SUCO: variants seen among roughly 807,000 people sequenced by gnomAD.
SUCO encodes the protein SUN domain containing ossification factor.
SUCO carries 57 observed loss-of-function variants against 148.1 expected under a neutral mutation model. That is an observed-to-expected ratio of 0.38 (90% CI 0.31 to 0.48). The LOEUF is 0.48. Among genes scored for constraint, SUCO ranks in the 20% least tolerant of loss-of-function variants. The pLI, the probability that SUCO is intolerant of heterozygous loss-of-function variation, is 0.96. For missense variants in SUCO, 1,331 were observed against 1,468.2 expected (o/e 0.91, Z 1.53); for synonymous variants, 470 against 502.7 (o/e 0.93, Z 0.87).
chr1:172,564,215 C>T (rs1015572372), intron 6 of SUCO, among the ~76,000 whole-genome samples: 9 of 152,214 alleles, frequency 5.9e-5, no homozygotes, highest in African/African-American at 1.9e-4. Flanking sequence ...ACCCCCAATC[C>T]CCAGCATCCC....
intron 1 of SUCO, among the ~76,000 whole-genome samples, chr1:172,550,410 A>G (rs759332602): frequency 2.3e-4 from 35 of 151,908 alleles, no homozygotes; most frequent in Non-Finnish European, 4.1e-4. Flanking sequence ...AGTCCTTGTT[A>G]TGGTTTGAGA....
At chr1:172,578,992 TAC>T (rs1268373373) in intron 14 of SUCO, among the ~76,000 whole-genome samples, 1 of 152,062 alleles carries the variant, frequency 6.6e-6, no homozygotes, top group African/African-American at 2.4e-5. Context: ...TGGTAAGCAT[TAC>T]AGTTATTTTC....
intron 4 of SUCO, 81 bp downstream of exon 4, chr1:172,556,104 T>C (rs894862338): frequency 2.3e-5 from 26 of 1,144,292 alleles, no homozygotes; most frequent in Non-Finnish European, 3.1e-5. Context: ...ATAAAGCAGC[T>C]TGATACTCAA....
Position 172,533,188 on chromosome 1 carries a change from C to A in SUCO, c.-248C>A. On this transcript the variant is annotated 5_prime_UTR_variant, in exon 1 of 24. Coordinates refer to ENST00000263688, the MANE Select transcript of SUCO (RefSeq NM_014283.5). ...GGCGGCTGCAGGAGGCGGGCGTGGA[C>A]GAGCCGGTGGCTGCAGCGGCGGCGG... 6.7e-7 allele frequency: 1 copy of A among 1,496,374 alleles called. No individual in the cohort carries two copies. The highest frequency in any genetic ancestry group is 1.3e-5 in the South Asian group (1 of 77,828). The allele number at this position is 1,496,374 out of a possible 1,614,324, so 92.7% of individuals were successfully genotyped here.
intron 6 of SUCO, among the ~76,000 whole-genome samples, chr1:172,563,852 C>T (rs1178766135): frequency 1.3e-5 from 2 of 152,184 alleles, no homozygotes; most frequent in African/African-American, 2.4e-5. Flanking sequence ...GGCCAGGAGA[C>T]CTAAGAGGGA....
At chr1:172,592,283 A>G (rs1656730860) in intron 19 of SUCO, among the ~76,000 whole-genome samples, 1 of 152,182 alleles carries the variant, frequency 6.6e-6, no homozygotes, top group Admixed American at 6.5e-5. Context: ...TAGTTTAATT[A>G]GATCTCATTT....
chr1:172,554,793 A>C (rs1653604622), intron 3 of SUCO, among the ~76,000 whole-genome samples: 1 of 151,904 alleles, frequency 6.6e-6, no homozygotes, highest in South Asian at 2.1e-4. Flanking sequence ...TTTTGAATAC[A>C]TGTTCATATG....
intron 20 of SUCO, 102 bp from the exon 21 acceptor site, chr1:172,601,961 TA>T: frequency 8.2e-6 from 10 of 1,223,310 alleles, no homozygotes; most frequent in Non-Finnish European, 7.7e-6. Context: ...TGAAGCACAT[TA>T]AAAAAATACT....
chr1:172,602,496 G>A (rs1183155361), intron 21 of SUCO, 200 bp from the exon 22 acceptor site: 1 of 982,372 alleles, frequency 1.0e-6, no homozygotes, highest in Non-Finnish European at 1.2e-6. Context: ...AGGAAGAAGA[G>A]AATACTATTT....
intron 22 of SUCO, chr1:172,608,441 G>A (rs1657996151): frequency 2.8e-6 from 1 of 355,216 alleles, no homozygotes; most frequent in Non-Finnish European, 5.1e-6. Flanking sequence ...AAAGAGTGAG[G>A]CTGGGCCCAA....
chr1:172,570,338 A>G (rs1429932356), intron 8 of SUCO, 167 bp downstream of exon 8: 1 of 500,194 alleles, frequency 2.0e-6, no homozygotes, highest in Admixed American at 3.9e-5. Context: ...ATTCTTACTT[A>G]TATTGGCTGA....
At chr1:172,596,308 A>C (rs1657094244) in intron 19 of SUCO, among the ~76,000 whole-genome samples, 1 of 152,218 alleles carries the variant, frequency 6.6e-6, no homozygotes. Context: ...TTCTCCATCC[A>C]GCTTTGTTCT....
chr1:172,588,470 C>G, intron 17 of SUCO: 1 of 985,150 alleles, frequency 1.0e-6, no homozygotes, highest in Non-Finnish European at 1.2e-6. Context: ...GAAGTATTCA[C>G]TTAGAAACAA....
chr1:172,583,480 TCTG>T (rs1382482497), intron 15 of SUCO, among the ~76,000 whole-genome samples: 1 of 152,180 alleles, frequency 6.6e-6, no homozygotes, highest in African/African-American at 2.4e-5. Flanking sequence ...CAGTTTGAAA[TCTG>T]CTACTATTTC....
intron 18 of SUCO, 118 bp from the exon 19 acceptor site, chr1:172,590,866 A>G (rs1656601376): frequency 4.4e-6 from 3 of 686,888 alleles, no homozygotes; most frequent in Non-Finnish European, 7.5e-6. Flanking sequence ...AGGCCTGAAT[A>G]AGAGTCACTT....
intron 19 of SUCO, among the ~76,000 whole-genome samples, chr1:172,597,324 C>G (rs1374942476): frequency 6.6e-6 from 1 of 152,218 alleles, no homozygotes; most frequent in Non-Finnish European, 1.5e-5. Context: ...AACCCAGTAC[C>G]TCAGTTGGTA....
At chr1:172,573,829 C>A in intron 9 of SUCO, 62 bp from the exon 10 acceptor site, 2 of 915,634 alleles carry the variant, frequency 2.2e-6, no homozygotes, top group South Asian at 3.1e-5. Flanking sequence ...CTGTTAATGT[C>A]ATATTTAATA....
intron 22 of SUCO, 92 bp from the exon 23 acceptor site, chr1:172,608,655 G>A (rs111441187): frequency 0.014 from 11,804 of 845,690 alleles, 120 homozygotes; most frequent in Middle Eastern, 0.021. Flanking sequence ...AATAAGGAAT[G>A]AATGATTTGT....
intron 18 of SUCO, among the ~76,000 whole-genome samples, chr1:172,590,644 C>T (rs1206188977): frequency 1.3e-5 from 2 of 151,982 alleles, no homozygotes; most frequent in African/African-American, 4.8e-5. Context: ...TAAGGTGTCA[C>T]CAAGGCAGTC....
Sources: allele counts gnomAD v4.1 joint callset (sites outside exome capture counted in the v4.1 genomes callset), GRCh38; gene constraint gnomAD v4.1.1; transcripts MANE v1.5; gene names NCBI Gene and HGNC (gene_info 2026-07-23, HGNC 2026-07-21).